Variants in POU6F2 observed in about 807,000 individuals in gnomAD.
POU6F2 encodes the protein POU class 6 homeobox 2, also known as POU domain, class 6, transcription factor 2.
Under a neutral mutation model 71.3 loss-of-function variants are expected in POU6F2, and 31 were observed. The observed-to-expected ratio is 0.43, with a 90% confidence interval of 0.33 to 0.59. The LOEUF (loss-of-function observed/expected upper bound fraction) is 0.59, where lower values mean the gene tolerates loss of function less well. Ranked by LOEUF, POU6F2 falls within the 20% of genes least tolerant of loss-of-function variation. The pLI, the probability that POU6F2 is intolerant of heterozygous loss-of-function variation, is 0.04. For synonymous variants in POU6F2, 347 were observed against 355.7 expected (o/e 0.98, Z 0.27); for missense variants, 783 against 856.8 (o/e 0.91, Z 1.07).
intron 5 of POU6F2, among the ~76,000 whole-genome samples, chr7:39,382,161 A>T (rs1786841584): frequency 6.6e-6 from 1 of 152,252 alleles, no homozygotes; most frequent in Admixed American, 6.5e-5. Context: ...CAGATTGGTT[A>T]TCTGGCTGCA....
At chr7:39,004,582 G>A (rs1054244093) in intron 1 of POU6F2, among the ~76,000 whole-genome samples, 3 of 152,134 alleles carry the variant, frequency 2.0e-5, no homozygotes, top group Admixed American at 6.5e-5. Context: ...TGCAGAGGAG[G>A]CCCTCAATAA....
intron 4 of POU6F2, among the ~76,000 whole-genome samples, chr7:39,255,415 CT>C (rs1363431563): frequency 6.6e-6 from 1 of 152,166 alleles, no homozygotes; most frequent in African/African-American, 2.4e-5. Flanking sequence ...AAAGAAGACA[CT>C]TTATTCTTCG....
chr7:39,033,193 A>G (rs1373106059), intron 1 of POU6F2, among the ~76,000 whole-genome samples: 1 of 152,248 alleles, frequency 6.6e-6, no homozygotes, highest in Non-Finnish European at 1.5e-5. Context: ...TAAAAACAAC[A>G]CATATATATT....
chr7:39,433,912 G>T (rs917237188), intron 7 of POU6F2, among the ~76,000 whole-genome samples: 32 of 152,188 alleles, frequency 2.1e-4, no homozygotes, highest in Non-Finnish European at 1.8e-4. Flanking sequence ...ATAACCTACT[G>T]TATAGCAGGC....
At chr7:39,221,384 C>CTTTTTTT (rs33915153) in intron 4 of POU6F2, among the ~76,000 whole-genome samples, 21 of 86,348 alleles carry the variant, frequency 2.4e-4, no homozygotes, top group South Asian at 4.2e-4. Flanking sequence ...CTCTCTCTCT[C>CTTTTTTT]TTTTTTTTTT....
intron 4 of POU6F2, among the ~76,000 whole-genome samples, chr7:39,270,297 A>G (rs931864887): frequency 6.6e-6 from 1 of 152,266 alleles, no homozygotes; most frequent in African/African-American, 2.4e-5. Flanking sequence ...CACATGAAGT[A>G]GCACCATGGG....
At chr7:39,175,392 G>C (rs545955859) in intron 2 of POU6F2, among the ~76,000 whole-genome samples, 12 of 152,090 alleles carry the variant, frequency 7.9e-5, no homozygotes, top group Non-Finnish European at 1.8e-4. Flanking sequence ...CAACTTTTGA[G>C]TGTGAAAAAG....
At chr7:39,322,379 A>T (rs1440855364) in intron 4 of POU6F2, among the ~76,000 whole-genome samples, 1 of 152,196 alleles carries the variant, frequency 6.6e-6, no homozygotes, top group Non-Finnish European at 1.5e-5. Context: ...TAAAAACCTG[A>T]CCTTCAACTC....
At chr7:39,258,241 A>G (rs915401399) in intron 4 of POU6F2, among the ~76,000 whole-genome samples, 4 of 152,234 alleles carry the variant, frequency 2.6e-5, no homozygotes, top group Non-Finnish European at 5.9e-5. Flanking sequence ...TTGTCTCCCA[A>G]TATAAAAATA....
intron 1 of POU6F2, among the ~76,000 whole-genome samples, chr7:39,048,505 A>G (rs1306594212): frequency 6.6e-6 from 1 of 151,964 alleles, no homozygotes; most frequent in Non-Finnish European, 1.5e-5. Context: ...TATTGCTGCA[A>G]TGGACATGAT....
chr7:39,456,983 G>T (rs1002816147), intron 8 of POU6F2, among the ~76,000 whole-genome samples: 3 of 152,208 alleles, frequency 2.0e-5, no homozygotes, highest in Non-Finnish European at 4.4e-5. Flanking sequence ...TAAAGTGAAA[G>T]TTTGATAATC....
intron 1 of POU6F2, among the ~76,000 whole-genome samples, chr7:39,051,366 T>C (rs1482569295): frequency 6.6e-6 from 1 of 152,090 alleles, no homozygotes; most frequent in Non-Finnish European, 1.5e-5. Flanking sequence ...TATTTTACAG[T>C]ATATGTTTGA....
At chr7:39,109,473 A>G (rs924332428) in intron 2 of POU6F2, among the ~76,000 whole-genome samples, 3 of 152,208 alleles carry the variant, frequency 2.0e-5, no homozygotes, top group Admixed American at 1.3e-4. Context: ...GGTCTTTGGA[A>G]AGGAATAAAT....
At chr7:38,986,685 T>A (rs961609742) in intron 1 of POU6F2, among the ~76,000 whole-genome samples, 5 of 152,252 alleles carry the variant, frequency 3.3e-5, no homozygotes, top group Non-Finnish European at 5.9e-5. Context: ...ATAACAGTAA[T>A]TTCTGCATAT....
intron 7 of POU6F2, among the ~76,000 whole-genome samples, chr7:39,437,238 C>T (rs1788268761): frequency 6.6e-6 from 1 of 152,148 alleles, no homozygotes; most frequent in African/African-American, 2.4e-5. Context: ...TCAGCTGTGA[C>T]TCCATGTGGT....
intron 7 of POU6F2, among the ~76,000 whole-genome samples, chr7:39,437,199 C>A (rs1788267384): frequency 6.6e-6 from 1 of 152,308 alleles, no homozygotes; most frequent in East Asian, 1.9e-4. Context: ...AGCAATGATA[C>A]CAGCTCCTTT....
At chr7:39,256,918 T>C (rs1784035955) in intron 4 of POU6F2, among the ~76,000 whole-genome samples, 3 of 152,206 alleles carry the variant, frequency 2.0e-5, no homozygotes, top group Non-Finnish European at 4.4e-5. Context: ...TTAAAACCCA[T>C]TTTGCATGTT....
intron 2 of POU6F2, among the ~76,000 whole-genome samples, chr7:39,168,455 C>T (rs768942558): frequency 1.2e-4 from 19 of 152,162 alleles, no homozygotes; most frequent in Non-Finnish European, 2.2e-4. Context: ...TTCTACCAGG[C>T]GTTATTCCAC....
chr7:38,981,150 A>C (rs371188729), intron 1 of POU6F2, among the ~76,000 whole-genome samples: 16 of 152,336 alleles, frequency 1.1e-4, no homozygotes, highest in African/African-American at 3.8e-4. Context: ...ATTGTTATTC[A>C]TGGGATGATT....
Sources: allele counts gnomAD v4.1 joint callset (sites outside exome capture counted in the v4.1 genomes callset), GRCh38; gene constraint gnomAD v4.1.1; transcripts MANE v1.5; gene names NCBI Gene and HGNC (gene_info 2026-07-23, HGNC 2026-07-21).